Variants in PACRG observed in about 807,000 individuals in gnomAD.
PACRG encodes parkin coregulated gene protein.
Under a neutral mutation model 29.7 loss-of-function variants are expected in PACRG, and 29 were observed. The observed-to-expected ratio is 0.98, with a 90% CI of 0.73 to 1.33. The LOEUF (loss-of-function observed/expected upper bound fraction) is 1.33, where lower values mean the gene tolerates loss of function less well. Among genes scored for constraint, PACRG ranks in the 40% most tolerant of loss-of-function variants. The pLI is 0.00. For synonymous variants in PACRG, 116 were observed against 118.7 expected, an observed-to-expected ratio of 0.98 and a Z score of 0.15; for missense variants, 279 against 316.2, an observed-to-expected ratio of 0.88 and a Z score of 0.89.
chr6:163,247,656 G>A (rs1010196867), intron 4 of PACRG, among the ~76,000 whole-genome samples: 6 of 152,036 alleles, frequency 3.9e-5, no homozygotes, highest in African/African-American at 1.5e-4. Flanking sequence ...TCTTCAGTGA[G>A]CCTCAGGTCA....
intron 2 of PACRG, among the ~76,000 whole-genome samples, chr6:162,895,395 C>T (rs1562709068): frequency 6.6e-6 from 1 of 152,110 alleles, no homozygotes. Context: ...TGATCTTTCA[C>T]CCAAAGCTCA....
At chr6:163,257,327 G>T (rs956351601) in intron 4 of PACRG, among the ~76,000 whole-genome samples, 3 of 152,104 alleles carry the variant, frequency 2.0e-5, no homozygotes, top group African/African-American at 7.2e-5. Flanking sequence ...AGGGGTAAGG[G>T]GGTTCAGGCA....
chr6:162,815,622 G>A (rs1018774133), intron 2 of PACRG, among the ~76,000 whole-genome samples: 4 of 151,720 alleles, frequency 2.6e-5, no homozygotes, highest in Non-Finnish European at 5.9e-5. Context: ...CTGTTAGAAT[G>A]TGAACTTGTT....
chr6:163,007,984 A>C (rs1805275850), intron 2 of PACRG, among the ~76,000 whole-genome samples: 1 of 152,134 alleles, frequency 6.6e-6, no homozygotes, highest in African/African-American at 2.4e-5. Context: ...AAGACTTCCT[A>C]AATGTCAATT....
chr6:163,235,978 A>G (rs1430778536), intron 4 of PACRG, among the ~76,000 whole-genome samples: 2 of 152,116 alleles, frequency 1.3e-5, no homozygotes, highest in Non-Finnish European at 2.9e-5. Context: ...GGCTTTGGGA[A>G]AACTGGCAAA....
chr6:163,195,865 G>C (rs1185812542), intron 4 of PACRG, among the ~76,000 whole-genome samples: 2 of 152,134 alleles, frequency 1.3e-5, no homozygotes, highest in Non-Finnish European at 2.9e-5. Context: ...GGGTGTCTCC[G>C]CTGGCTCCCC....
At chr6:163,307,305 C>T (rs951287634) in intron 4 of PACRG, among the ~76,000 whole-genome samples, 36 of 152,092 alleles carry the variant, frequency 2.4e-4, no homozygotes, top group Middle Eastern at 3.2e-3. Context: ...ACCCAGCCTT[C>T]GGTGTCAAGA....
At chr6:162,958,872 TATATATATATATAGAGAGAGAG>T (rs1244662806) in intron 2 of PACRG, among the ~76,000 whole-genome samples, 161 of 61,136 alleles carry the variant, frequency 2.6e-3, no homozygotes, top group African/African-American at 7.7e-3. Flanking sequence ...TATATATATA[TATATATATATATAGAGAGAGAG>T]AGAGAGAGAG....
chr6:162,964,696 G>T (rs1005932351), intron 2 of PACRG, among the ~76,000 whole-genome samples: 1 of 152,178 alleles, frequency 6.6e-6, no homozygotes, highest in Non-Finnish European at 1.5e-5. Flanking sequence ...AATGCCTTAT[G>T]CAGGAAAGTA....
At chr6:163,086,791 T>C (rs1405887110) in intron 3 of PACRG, among the ~76,000 whole-genome samples, 1 of 152,170 alleles carries the variant, frequency 6.6e-6, no homozygotes, top group African/African-American at 2.4e-5. Context: ...AGGATAAGTT[T>C]GAACTAAACC....
At chr6:162,933,741 T>C (rs1798032594) in intron 2 of PACRG, among the ~76,000 whole-genome samples, 1 of 151,772 alleles carries the variant, frequency 6.6e-6, no homozygotes, top group South Asian at 2.1e-4. Context: ...TTTAAAGAAA[T>C]ATCCAAGGCT....
intron 4 of PACRG, among the ~76,000 whole-genome samples, chr6:163,265,085 G>A (rs2059430645): frequency 6.6e-6 from 1 of 152,224 alleles, no homozygotes; most frequent in African/African-American, 2.4e-5. Context: ...TTGTAGTAAA[G>A]AGCCGGCTTC....
intron 4 of PACRG, among the ~76,000 whole-genome samples, chr6:163,159,925 A>G (rs1778485975): frequency 1.3e-5 from 2 of 151,996 alleles, no homozygotes; most frequent in Non-Finnish European, 2.9e-5. Context: ...TCCTTCCAGG[A>G]TGGACAACCC....
At chr6:163,064,357 T>A (rs1418393647) in intron 3 of PACRG, among the ~76,000 whole-genome samples, 4 of 152,152 alleles carry the variant, frequency 2.6e-5, no homozygotes, top group African/African-American at 7.2e-5. Flanking sequence ...ATGCTAGAGG[T>A]CATCTGCCGA....
chr6:162,847,259 C>G (rs1258271123), intron 2 of PACRG, among the ~76,000 whole-genome samples: 1 of 152,210 alleles, frequency 6.6e-6, no homozygotes, highest in Non-Finnish European at 1.5e-5. Flanking sequence ...CCTTCACACC[C>G]TCTTCATCAA....
intron 4 of PACRG, among the ~76,000 whole-genome samples, chr6:163,180,740 T>A (rs771096250): frequency 5.9e-5 from 9 of 152,134 alleles, no homozygotes; most frequent in African/African-American, 1.7e-4. Flanking sequence ...TCTTCAAACA[T>A]GTAGAGGCCA....
intron 2 of PACRG, among the ~76,000 whole-genome samples, chr6:162,935,698 A>T (rs1291464915): frequency 6.6e-6 from 1 of 150,946 alleles, no homozygotes; most frequent in East Asian, 1.9e-4. Context: ...TTTTCTTTTC[A>T]CTGTTACTGG....
chr6:163,096,233 G>C (rs1221999654), intron 4 of PACRG, among the ~76,000 whole-genome samples: 1 of 152,162 alleles, frequency 6.6e-6, no homozygotes, highest in African/African-American at 2.4e-5. Flanking sequence ...ATGCTGCCCT[G>C]GGGATCCCAT....
At chr6:162,798,410 C>T (rs937976548) in intron 1 of PACRG, among the ~76,000 whole-genome samples, 1 of 152,042 alleles carries the variant, frequency 6.6e-6, no homozygotes, top group Non-Finnish European at 1.5e-5. Flanking sequence ...TTCTAGAATC[C>T]CTCAATGATC....
Sources: gnomAD v4.1 joint callset for allele counts (sites outside exome capture counted in the v4.1 genomes callset) on GRCh38, gnomAD v4.1.1 for gene constraint, MANE v1.5 for transcripts, NCBI Gene and HGNC (gene_info 2026-07-23, HGNC 2026-07-21) for gene names.